The following SLC24A3 variants were observed in gnomAD, a reference collection of about 807,000 sequenced individuals.
SLC24A3 encodes solute carrier family 24 member 3, also known as sodium/potassium/calcium exchanger 3.
A neutral mutation model predicts 75.8 loss-of-function variants in SLC24A3; 28 were observed. The ratio of observed to expected loss-of-function variants is 0.37; its 90% confidence interval spans 0.27 to 0.51. The LOEUF (loss-of-function observed/expected upper bound fraction) is 0.51. Among genes scored for constraint, SLC24A3 ranks in the 20% least tolerant of loss-of-function variants. The pLI is 0.94. For missense variants in SLC24A3, 663 were observed against 847.8 expected (o/e 0.78, Z 2.71); for synonymous variants, 372 against 334.1 (o/e 1.11, Z -1.24).
At chr20:19,592,354 C>T (rs1365800327) in intron 6 of SLC24A3, among the ~76,000 whole-genome samples, 1 of 152,194 alleles carries the variant, frequency 6.6e-6, no homozygotes, top group Non-Finnish European at 1.5e-5. Context: ...TCACACTCGA[C>T]TAAGCACTCC....
At chr20:19,546,158 C>CACAAAAAAAAAAA (rs2030587828) in intron 3 of SLC24A3, among the ~76,000 whole-genome samples, 1 of 46,740 alleles carries the variant, frequency 2.1e-5, no homozygotes, top group Non-Finnish European at 3.5e-5. Flanking sequence ...GACTCCGTCT[C>CACAAAAAAAAAAA]AAAAAAAAAA....
intron 2 of SLC24A3, among the ~76,000 whole-genome samples, chr20:19,432,252 C>A (rs1987116122): frequency 7.1e-6 from 1 of 140,958 alleles, no homozygotes; most frequent in Non-Finnish European, 1.5e-5. Flanking sequence ...CAGAATCAAA[C>A]AGATTTATAT....
chr20:19,621,025 C>G (rs975196393), intron 6 of SLC24A3, among the ~76,000 whole-genome samples: 1 of 152,166 alleles, frequency 6.6e-6, no homozygotes, highest in Non-Finnish European at 1.5e-5. Flanking sequence ...GTGAAAGGTG[C>G]CTTAAGATCA....
intron 3 of SLC24A3, among the ~76,000 whole-genome samples, chr20:19,527,351 G>C (rs1024255964): frequency 2.6e-5 from 4 of 152,170 alleles, no homozygotes; most frequent in Non-Finnish European, 5.9e-5. Context: ...AGTGCTCATT[G>C]AATGTGTAGT....
At chr20:19,640,363 G>A (rs986283236) in intron 6 of SLC24A3, among the ~76,000 whole-genome samples, 9 of 152,236 alleles carry the variant, frequency 5.9e-5, no homozygotes, top group Admixed American at 1.3e-4. Context: ...TGGTGAGGAA[G>A]GCTGGGGTGA....
intron 2 of SLC24A3, among the ~76,000 whole-genome samples, chr20:19,513,938 C>G (rs910726953): frequency 6.6e-6 from 1 of 152,072 alleles, no homozygotes; most frequent in Non-Finnish European, 1.5e-5. Context: ...AGATTTAGAT[C>G]CATCCTCTTC....
intron 6 of SLC24A3, among the ~76,000 whole-genome samples, chr20:19,652,788 G>A (rs543448167): frequency 4.4e-4 from 67 of 152,338 alleles, no homozygotes; most frequent in African/African-American, 1.6e-3. Flanking sequence ...AGCAGTCGGG[G>A]AGGGTAGAGG....
At chr20:19,476,941 T>A (rs1279099005) in intron 2 of SLC24A3, among the ~76,000 whole-genome samples, 1 of 151,900 alleles carries the variant, frequency 6.6e-6, no homozygotes, top group Non-Finnish European at 1.5e-5. Context: ...TAGAAACAAA[T>A]AATAATGCAA....
intron 2 of SLC24A3, among the ~76,000 whole-genome samples, chr20:19,462,814 C>G (rs559740949): frequency 6.6e-6 from 1 of 152,166 alleles, no homozygotes; most frequent in African/African-American, 2.4e-5. Flanking sequence ...ACCATAGACC[C>G]CAGCCCTGCC....
intron 1 of SLC24A3, among the ~76,000 whole-genome samples, chr20:19,254,574 G>A (rs190101398): frequency 2.5e-4 from 38 of 152,260 alleles, no homozygotes; most frequent in East Asian, 2.3e-3. Context: ...TATATAACAC[G>A]CGTGATGACA....
At chr20:19,319,952 G>A (rs1359187259) in intron 2 of SLC24A3, among the ~76,000 whole-genome samples, 2 of 152,186 alleles carry the variant, frequency 1.3e-5, no homozygotes, top group Non-Finnish European at 1.5e-5. Context: ...TGGGGAGGTC[G>A]CAGAGCTTCC....
At chr20:19,404,531 A>G (rs1600467216) in intron 2 of SLC24A3, among the ~76,000 whole-genome samples, 1 of 152,176 alleles carries the variant, frequency 6.6e-6, no homozygotes, top group Admixed American at 6.5e-5. Flanking sequence ...GTTTTACCCC[A>G]GTTTTTTGCC....
chr20:19,496,999 T>C (rs545880098), intron 2 of SLC24A3, among the ~76,000 whole-genome samples: 194 of 152,304 alleles, frequency 1.3e-3, no homozygotes, highest in African/African-American at 4.4e-3. Flanking sequence ...TGCCTTCTCC[T>C]TGTGAGTTCC....
intron 2 of SLC24A3, among the ~76,000 whole-genome samples, chr20:19,393,349 T>A (rs1387771574): frequency 6.6e-6 from 1 of 152,188 alleles, no homozygotes; most frequent in East Asian, 1.9e-4. Context: ...TTTGCTGGTT[T>A]GCTCAACATA....
In SLC24A3 at chr20:19,492,884, G is replaced by A. The variant is rs369068785; in HGVS notation, c.272-22604G>A. On this transcript the variant is annotated intron_variant, in intron 2 of 16. Transcript: ENST00000328041. The stretch of plus-strand genomic sequence containing the variant: ...ACACCAAGCACCTTCCAGGCATCCT[G>A]TGTGTACTTCTCATACCTTAAGAGC... Among the ~76,000 whole-genome samples the A allele has an allele frequency of 3.3e-5, 5 of 152,236 alleles. No homozygotes were observed. In the South Asian group the frequency reaches 8.3e-4, roughly 25 times the overall value.
At chr20:19,341,712 C>G (rs1027462189) in intron 2 of SLC24A3, among the ~76,000 whole-genome samples, 2 of 152,196 alleles carry the variant, frequency 1.3e-5, no homozygotes, top group Admixed American at 6.5e-5. Context: ...GCAGCAGTTT[C>G]CCATCCTGTA....
At chr20:19,517,474 G>A (rs1460412967) in intron 3 of SLC24A3, among the ~76,000 whole-genome samples, 2 of 152,150 alleles carry the variant, frequency 1.3e-5, no homozygotes. Context: ...TGGTGTCTGT[G>A]GTAGTGCATT....
In SLC24A3 at chr20:19,686,107, G is replaced by A. The variant is rs114802422; in HGVS notation, c.1324+746G>A. On this transcript the variant is annotated intron_variant, in intron 12 of 16. Coordinates refer to ENST00000328041, the MANE Select transcript of SLC24A3 (RefSeq NM_020689.4). ...GACAGTTGGGCTGGTTTCAGGGGAC[G>A]GTCTTATCTTACTTAGCTGTTCTGC... Among the ~76,000 whole-genome samples, 1,368 of 152,252 alleles carry A rather than the reference G, an allele frequency of 9.0e-3. 26 individuals are homozygous for A. The highest frequency in any genetic ancestry group is 0.031 in the African/African-American group (1,303 of 41,548).
intron 1 of SLC24A3, among the ~76,000 whole-genome samples, chr20:19,274,026 A>G (rs1284340754): frequency 1.3e-5 from 2 of 150,770 alleles, no homozygotes; most frequent in African/African-American, 2.4e-5. Flanking sequence ...GCAGGTGGCT[A>G]GGGTTGCCTT....
Sources: gnomAD v4.1 joint callset for allele counts (sites outside exome capture counted in the v4.1 genomes callset) on GRCh38, gnomAD v4.1.1 for gene constraint, MANE v1.5 for transcripts, NCBI Gene and HGNC (gene_info 2026-07-23, HGNC 2026-07-21) for gene names.